Variants in NUBPL observed in about 807,000 individuals in gnomAD.
NUBPL encodes iron-sulfur cluster transfer protein NUBPL.
In NUBPL, 31 loss-of-function variants were observed where a neutral mutation model predicts 45.7. The ratio of observed to expected loss-of-function variants is 0.68; its 90% CI spans 0.51 to 0.92. The LOEUF (loss-of-function observed/expected upper bound fraction) is 0.92. NUBPL is among the 40% of genes least tolerant of loss of function. NUBPL has a pLI of 0.00. For synonymous variants in NUBPL, 144 were observed against 140.9 expected, an observed-to-expected ratio of 1.02 and a Z score of -0.15; for missense variants, 401 against 398.7, an observed-to-expected ratio of 1.01 and a Z score of -0.05.
chr14:31,835,947 G>C (rs746691963), intron 8 of NUBPL, among the ~76,000 whole-genome samples: 16 of 152,072 alleles, frequency 1.1e-4, no homozygotes, highest in Non-Finnish European at 1.8e-4. Flanking sequence ...GCTTGTAACA[G>C]GTTCCAACCA....
At chr14:31,752,020 C>T (rs887881872) in intron 6 of NUBPL, among the ~76,000 whole-genome samples, 21 of 152,212 alleles carry the variant, frequency 1.4e-4, no homozygotes, top group Admixed American at 7.2e-4. Flanking sequence ...AGCTGGGACA[C>T]AGGGTGCCAT....
chr14:31,809,349 G>T (rs1595661839), intron 7 of NUBPL, among the ~76,000 whole-genome samples: 1 of 152,260 alleles, frequency 6.6e-6, no homozygotes, highest in East Asian at 1.9e-4. Context: ...TCTTAGGAGG[G>T]TGTATGTGTT....
At position 31,666,246 on chromosome 14, in the gene NUBPL, TATATATATATATA is replaced by T. The variant is rs1566487015; in HGVS notation, c.383-7108_383-7096del. On this transcript the variant is annotated intron_variant, in intron 4 of 10. Transcript: ENST00000281081. ...TATTTAAGATATATATATATATATA[TATATATATATATA>T]TATAATTTTATTTTATTTTTTTTGA... Among the ~76,000 whole-genome samples, 15 of 32,700 alleles carry T rather than the reference TATATATATATATA, an allele frequency of 4.6e-4. 2 individuals carry two copies. The highest frequency in any genetic ancestry group is 1.4e-3 in the Admixed American group (3 of 2,094). 21.5% of individuals were successfully genotyped at this position (32,700 alleles called of 152,430 possible). A position where few individuals can be genotyped will look rare whatever the true frequency, so the allele number is the denominator to read the frequency against.
intron 6 of NUBPL, among the ~76,000 whole-genome samples, chr14:31,783,421 T>A (rs1009726082): frequency 6.6e-6 from 1 of 152,074 alleles, no homozygotes; most frequent in Non-Finnish European, 1.5e-5. Flanking sequence ...GGCCCAGGTG[T>A]TTTTCAGGTA....
At chr14:31,769,860 G>T (rs568196392) in intron 6 of NUBPL, among the ~76,000 whole-genome samples, 128 of 152,026 alleles carry the variant, frequency 8.4e-4, no homozygotes, top group African/African-American at 3.0e-3. Flanking sequence ...GAAAACTAGG[G>T]TCCCGAGAGG....
chr14:31,698,941 G>A (rs1055594032), intron 6 of NUBPL, among the ~76,000 whole-genome samples: 2 of 150,854 alleles, frequency 1.3e-5, no homozygotes, highest in Admixed American at 6.6e-5. Context: ...TGCAACCTCC[G>A]CCTCCTGGGT....
chr14:31,578,148 T>G, intron 3 of NUBPL: 1 of 478,312 alleles, frequency 2.1e-6, no homozygotes, highest in Non-Finnish European at 4.0e-6. Flanking sequence ...GAACTATGCT[T>G]AGAGAAGGTT....
chr14:31,627,044 T>C (rs1056648490), intron 4 of NUBPL, among the ~76,000 whole-genome samples: 5 of 152,220 alleles, frequency 3.3e-5, no homozygotes, highest in Non-Finnish European at 7.3e-5. Context: ...TGGTAGTTGT[T>C]ACCTTATTAG....
intron 6 of NUBPL, among the ~76,000 whole-genome samples, chr14:31,693,337 G>A (rs533366896): frequency 4.1e-4 from 63 of 152,176 alleles, no homozygotes; most frequent in Non-Finnish European, 7.6e-4. Flanking sequence ...TACTTCAGAC[G>A]ACCTTCTTTG....
chr14:31,827,087 C>T (rs1172682693), intron 8 of NUBPL, among the ~76,000 whole-genome samples: 1 of 152,028 alleles, frequency 6.6e-6, no homozygotes, highest in Non-Finnish European at 1.5e-5. Flanking sequence ...TTCCTTCTGC[C>T]TCCTACAGTT....
intron 7 of NUBPL, among the ~76,000 whole-genome samples, chr14:31,793,697 C>T (rs1294508618): frequency 6.6e-6 from 1 of 152,010 alleles, no homozygotes; most frequent in Non-Finnish European, 1.5e-5. Context: ...AAATTTTTTC[C>T]TATTTATCAT....
At position 31,721,548 on chromosome 14, in the gene NUBPL, A is replaced by G. The variant is rs552173988; in HGVS notation, c.513+47974A>G. On this transcript the variant is annotated intron_variant, in intron 6 of 10. Transcript: ENST00000281081. ...AAACAGAAGCATAGAAAAGCTAAGT[A>G]GCTTTCATAAGGTCACATATAGCTG... Among the ~76,000 whole-genome samples, 286 of 152,144 alleles carry G rather than the reference A, an allele frequency of 1.9e-3. 2 individuals are homozygous for G. Among genetic ancestry groups the G allele is most frequent in the African/African-American group, 6.6e-3 (272 of 41,506 alleles).
At chr14:31,809,873 T>C (rs1448040168) in intron 7 of NUBPL, among the ~76,000 whole-genome samples, 1 of 152,238 alleles carries the variant, frequency 6.6e-6, no homozygotes, top group Non-Finnish European at 1.5e-5. Context: ...TTTCGTTATG[T>C]ACCCAGTAGT....
intron 3 of NUBPL, among the ~76,000 whole-genome samples, chr14:31,566,778 G>A (rs1179456724): frequency 6.6e-6 from 1 of 152,082 alleles, no homozygotes; most frequent in East Asian, 1.9e-4. Context: ...ATGGAGGTAG[G>A]TCCGAGTCAG....
chr14:31,748,892 G>A (rs753883716), intron 6 of NUBPL, among the ~76,000 whole-genome samples: 1 of 152,114 alleles, frequency 6.6e-6, no homozygotes, highest in Non-Finnish European at 1.5e-5. Flanking sequence ...GATTACAGGT[G>A]TGAGCCACTG....
intron 4 of NUBPL, among the ~76,000 whole-genome samples, chr14:31,622,493 C>A (rs1388693187): frequency 6.6e-6 from 1 of 151,888 alleles, no homozygotes; most frequent in Non-Finnish European, 1.5e-5. Flanking sequence ...ATGGCAGCCC[C>A]TCCCATCACG....
rs140247189 is a variant in NUBPL, at chr14:31,826,613, G to A, written c.608-16G>A. ...GAGAATTAAAAGATAATAGTATTTT[G>A]TTTATCTTTGGCTAGGTGCTGTGAT... On this transcript the variant is annotated splice_polypyrimidine_tract_variant and intron_variant, in intron 7 of 10. Transcript: ENST00000281081. The A allele has an allele frequency of 4.6e-4, 734 of 1,605,726 alleles. 4 individuals carry two copies. The African/African-American group carries it at 8.4e-3, about 18-fold the overall frequency.
chr14:31,701,869 T>G (rs4981115), intron 6 of NUBPL, among the ~76,000 whole-genome samples: 4 of 152,002 alleles, frequency 2.6e-5, no homozygotes, highest in African/African-American at 9.7e-5. Flanking sequence ...ATGTCAAGTA[T>G]TGGATTACTT....
At chr14:31,779,219 T>C (rs909159833) in intron 6 of NUBPL, among the ~76,000 whole-genome samples, 1 of 152,046 alleles carries the variant, frequency 6.6e-6, no homozygotes, top group Non-Finnish European at 1.5e-5. Flanking sequence ...TGCATGCCTG[T>C]AATCCCAGCT....
Sources: gnomAD v4.1 joint callset for allele counts (sites outside exome capture counted in the v4.1 genomes callset) on GRCh38, gnomAD v4.1.1 for gene constraint, MANE v1.5 for transcripts, NCBI Gene and HGNC (gene_info 2026-07-23, HGNC 2026-07-21) for gene names.